Variants in AHCYL1 observed in about 807,000 individuals in gnomAD.
AHCYL1 encodes S-adenosylhomocysteine hydrolase-like protein 1.
AHCYL1 carries 20 observed loss-of-function variants against 79.3 expected under a neutral mutation model. The observed-to-expected ratio is 0.25, with a 90% confidence interval of 0.18 to 0.37. The LOEUF is 0.37. AHCYL1 is among the 10% of genes least tolerant of loss of function. AHCYL1 has a pLI of 1.00. For missense variants in AHCYL1, 330 were observed against 673.6 expected (o/e 0.49, Z 5.65); for synonymous variants, 223 against 242.2 (o/e 0.92, Z 0.74).
At position 110,018,746 on chromosome 1, in the gene AHCYL1, C is replaced by T. The variant is rs184986746; in HGVS notation, c.1317+96C>T. 1,546 of 1,155,988 alleles carry T rather than the reference C, an allele frequency of 1.3e-3. 3 individuals carry two copies. The highest frequency in any genetic ancestry group is 1.0e-3 in the Non-Finnish European group (833 of 799,036). 71.6% of individuals were successfully genotyped at this position (1,155,988 alleles called of 1,614,324 possible). A position where few individuals can be genotyped will look rare whatever the true frequency, so the allele number is the denominator to read the frequency against. Reference sequence around the variant, plus strand: ...GGAAACAAATATTAGGCCTATGTTTCCCTGAATTTTATCTTTGGAGAGAGA... The same window carrying T: ...GGAAACAAATATTAGGCCTATGTTTTCCTGAATTTTATCTTTGGAGAGAGA... On this transcript the variant is annotated intron_variant, in intron 13 of 16. Coordinates refer to ENST00000369799, the MANE Select transcript of AHCYL1 (RefSeq NM_006621.7).
intron 1 of AHCYL1, among the ~76,000 whole-genome samples, chr1:110,000,743 G>T (rs1490056886): frequency 1.4e-5 from 2 of 145,916 alleles, no homozygotes; most frequent in Admixed American, 6.6e-5. Flanking sequence ...TTTTGTTTTT[G>T]TTCTTTTTTT....
At position 109,985,037 on chromosome 1, in the gene AHCYL1, C is replaced by A; in HGVS notation, c.-16C>A. 1 of 1,545,446 alleles carries A rather than the reference C, an allele frequency of 6.5e-7. No individual in the cohort carries two copies. The highest frequency in any genetic ancestry group is 8.7e-7 in the Non-Finnish European group (1 of 1,147,606). ...GCGGGGGCGGCGGGTCAGCCGCTGG[C>A]CGGGCCGGCCGGGGAATGTCGATGC... On this transcript the variant is annotated 5_prime_UTR_variant, in exon 1 of 17. Coordinates refer to ENST00000369799, the MANE Select transcript of AHCYL1 (RefSeq NM_006621.7).
intron 9 of AHCYL1, 55 bp downstream of exon 9, chr1:110,016,785 G>T: frequency 6.2e-7 from 1 of 1,602,096 alleles, no homozygotes; most frequent in South Asian, 1.1e-5. Flanking sequence ...TAGAAATATT[G>T]GGTAAAGGAG....
chr1:110,004,955 T>C (rs550405560), intron 1 of AHCYL1, among the ~76,000 whole-genome samples: 1 of 152,256 alleles, frequency 6.6e-6, no homozygotes, highest in Non-Finnish European at 1.5e-5. Flanking sequence ...TTAGTAATGA[T>C]GATCTTGTTA....
At chr1:110,017,061 G>A (rs1475966722) in intron 9 of AHCYL1, among the ~76,000 whole-genome samples, 1 of 152,200 alleles carries the variant, frequency 6.6e-6, no homozygotes, top group Non-Finnish European at 1.5e-5. Context: ...ATTAAGGGTG[G>A]AATCTGAAAT....
chr1:110,005,185 A>G (rs1650568261), intron 1 of AHCYL1, among the ~76,000 whole-genome samples: 1 of 152,196 alleles, frequency 6.6e-6, no homozygotes, highest in African/African-American at 2.4e-5. Flanking sequence ...TGCTCTGCTC[A>G]CTTCTACATT....
chr1:110,013,736 TTTA>T (rs1393769936), intron 5 of AHCYL1, among the ~76,000 whole-genome samples: 2 of 151,998 alleles, frequency 1.3e-5, no homozygotes, highest in East Asian at 3.9e-4. Context: ...AATAATAATT[TTTA>T]TTATTCAAAT....
rs1651824072 is a variant in AHCYL1 at position 110,021,820 on chromosome 1, T to TC, written c.*142dup. The TC allele has an allele frequency of 2.2e-6, 2 of 924,682 alleles. No homozygotes were observed. The highest frequency in any genetic ancestry group is 5.1e-5 in the Admixed American group (2 of 39,234). 57.3% of individuals were successfully genotyped at this position (924,682 alleles called of 1,614,324 possible). ...TCATTCTTGTTTTTTCATCTCATTA[T>TC]CCAAGTTCTGCAGACCACACAGGAA... On this transcript the variant is annotated 3_prime_UTR_variant, in exon 17 of 17. Transcript: ENST00000369799.
At chr1:110,007,766 A>T (rs1163778219) in intron 1 of AHCYL1, among the ~76,000 whole-genome samples, 6 of 152,232 alleles carry the variant, frequency 3.9e-5, no homozygotes, top group African/African-American at 1.4e-4. Flanking sequence ...GATCGTGAAC[A>T]GAATCTCAGT....
At chr1:109,990,079 C>A (rs554810161) in intron 1 of AHCYL1, among the ~76,000 whole-genome samples, 10 of 152,310 alleles carry the variant, frequency 6.6e-5, no homozygotes, top group Admixed American at 3.9e-4. Context: ...TCAAGTAGTT[C>A]TTTTGTCCCA....
In AHCYL1 at chr1:110,009,111, G is replaced by A. The variant is rs141483929; in HGVS notation, c.198G>A (p.Ser66=). The A allele has an allele frequency of 4.4e-5, 71 of 1,613,842 alleles. No homozygotes were observed. In the African/African-American group the frequency reaches 8.3e-4, roughly 19 times the overall value. Residue 66 remains serine, a synonymous_variant, in exon 2 of 17, where the codon TCG becomes TCA. Transcript: ENST00000369799. ...CTGGCCGAAGATCTTTGTCTCGCTC[G>A]ATCTCACAGTCCTCCACTGACAGCT... The part of the protein sequence containing the change: ...TKTGRRSLSR[S]ISQSSTDSYS...
chr1:109,994,916 CAG>C (rs1649947669), intron 1 of AHCYL1, among the ~76,000 whole-genome samples: 1 of 152,132 alleles, frequency 6.6e-6, no homozygotes, highest in South Asian at 2.1e-4. Context: ...AGGTTTGTAA[CAG>C]AAAAGAGACC....
In AHCYL1 at chr1:109,988,301, G is replaced by A. The variant is rs139226328; in HGVS notation, c.120+3129G>A. On this transcript the variant is annotated intron_variant, in intron 1 of 16. Transcript: ENST00000369799. ...AATTCACATTGTAAGGCTTGTTCAC[G>A]ACTGTCACTGGTGATTTCAGATGGT... 1.9e-4 allele frequency among the ~76,000 whole-genome samples: 29 copies of A among 152,304 alleles called. No individual in the cohort carries two copies. In the East Asian group the frequency reaches 2.5e-3, roughly 13 times the overall value.
chr1:109,990,822 T>G (rs1649719723), intron 1 of AHCYL1, among the ~76,000 whole-genome samples: 1 of 152,230 alleles, frequency 6.6e-6, no homozygotes, highest in Middle Eastern at 3.2e-3. Flanking sequence ...TTCCTTAAAC[T>G]TCAGGTGTTT....
chr1:109,998,827 GA>G (rs1294092149), intron 1 of AHCYL1, among the ~76,000 whole-genome samples: 3 of 152,148 alleles, frequency 2.0e-5, no homozygotes, highest in Non-Finnish European at 4.4e-5. Context: ...TTGAGTATTT[GA>G]TATTTTTTTC....
intron 1 of AHCYL1, among the ~76,000 whole-genome samples, chr1:110,008,559 T>A (rs1402156467): frequency 8.9e-5 from 13 of 145,904 alleles, no homozygotes; most frequent in Admixed American, 7.0e-5. Flanking sequence ...TCTAGGCATC[T>A]CTTCATAATT....
At chr1:110,019,729 C>A in intron 15 of AHCYL1, 103 bp downstream of exon 15, 1 of 1,113,450 alleles carries the variant, frequency 9.0e-7, no homozygotes, top group Non-Finnish European at 1.3e-6. Flanking sequence ...AATTCCTGTT[C>A]CTGTGCTTAC....
rs766633790 is a variant in AHCYL1 at position 110,023,525 on chromosome 1, G to A, written c.*1845G>A. ...GCCCCTTGATCCCATATCTATTACC[G>A]TGTCCATAGGAATAATAGGTAAGGG... is the stretch of plus-strand genomic sequence containing the variant. On this transcript the variant is annotated 3_prime_UTR_variant, in exon 17 of 17. Coordinates refer to ENST00000369799, the MANE Select transcript of AHCYL1 (RefSeq NM_006621.7). The A allele has an allele frequency of 1.3e-5, 2 of 151,858 alleles. No homozygotes were observed. The highest frequency in any genetic ancestry group is 2.4e-5 in the African/African-American group (1 of 41,128). 9.4% of individuals were successfully genotyped at this position (151,858 alleles called of 1,614,324 possible). A position where few individuals can be genotyped will look rare whatever the true frequency, so the allele number is the denominator to read the frequency against.
At chr1:109,992,373 G>A (rs553295913) in intron 1 of AHCYL1, among the ~76,000 whole-genome samples, 1 of 137,460 alleles carries the variant, frequency 7.3e-6, no homozygotes, top group Non-Finnish European at 1.5e-5. Context: ...TCGCACCACT[G>A]TACTCCAGCC....
Sources: gnomAD v4.1 joint callset for allele counts (sites outside exome capture counted in the v4.1 genomes callset) on GRCh38, gnomAD v4.1.1 for gene constraint, MANE v1.5 for transcripts, NCBI Gene and HGNC (gene_info 2026-07-23, HGNC 2026-07-21) for gene names.